NEIL3: variants seen among roughly 807,000 people sequenced by gnomAD.
NEIL3 encodes nei like DNA glycosylase 3, also known as endonuclease 8-like 3.
Under a neutral mutation model 57.5 loss-of-function variants are expected in NEIL3, and 48 were observed. The observed-to-expected ratio is 0.83, with a 90% CI of 0.66 to 1.06. The LOEUF (loss-of-function observed/expected upper bound fraction) is 1.06. Among genes scored for constraint, NEIL3 ranks in the 50% least tolerant of loss-of-function variants. The pLI, the probability that NEIL3 is intolerant of heterozygous loss-of-function variation, is 0.00. For synonymous variants in NEIL3, 261 were observed against 253.2 expected (o/e 1.03, Z -0.29); for missense variants, 717 against 739.1 (o/e 0.97, Z 0.35).
chr4:177,349,592 AC>A (rs1735309614), intron 6 of NEIL3, among the ~76,000 whole-genome samples: 1 of 151,992 alleles, frequency 6.6e-6, no homozygotes, highest in Non-Finnish European at 1.5e-5. Flanking sequence ...ACATCTGCAA[AC>A]CCTCCTTCTT....
rs1735027974 is a variant in NEIL3 at position 177,338,805 on chromosome 4, C to T, written c.628-978C>T. On this transcript the variant is annotated intron_variant, in intron 4 of 9. Coordinates refer to ENST00000264596, the MANE Select transcript of NEIL3 (RefSeq NM_018248.3). Reference sequence around the variant, plus strand: ...CGATAGTGACCTTGGTGGTCATCTACTCCTGTGCCTATTTTCCCTTCCCTT... The same window carrying T: ...CGATAGTGACCTTGGTGGTCATCTATTCCTGTGCCTATTTTCCCTTCCCTT... Among the ~76,000 whole-genome samples the T allele has an allele frequency of 5.3e-5, 8 of 152,206 alleles. No individual in the cohort carries two copies. The South Asian group carries it at 1.5e-3, about 28-fold the overall frequency.
At chr4:177,345,414 T>C (rs952054193) in intron 6 of NEIL3, among the ~76,000 whole-genome samples, 4 of 152,154 alleles carry the variant, frequency 2.6e-5, no homozygotes, top group African/African-American at 7.2e-5. Context: ...GAAATGTGGC[T>C]GTAGTTGGTT....
At chr4:177,317,271 C>T (rs961849947) in intron 1 of NEIL3, among the ~76,000 whole-genome samples, 2 of 152,096 alleles carry the variant, frequency 1.3e-5, no homozygotes, top group African/African-American at 2.4e-5. Context: ...TAGGGTGAAA[C>T]ACCAGTAGAG....
chr4:177,362,794 T>A lies in NEIL3; in HGVS notation c.*323T>A. ...GTAACTGGGGAGAAGCAGTGTTTTT[T>A]TTTTAGGAAAGGATTATGCGACACA... On this transcript the variant is annotated 3_prime_UTR_variant, in exon 10 of 10. Transcript: ENST00000264596. 1 of 171,714 alleles carries A rather than the reference T, an allele frequency of 5.8e-6. No homozygotes were observed. The allele number at this position is 171,714 out of a possible 1,614,324, so 10.6% of individuals were successfully genotyped here.
Position 177,362,338 on chromosome 4 carries a change from T to A in NEIL3, c.1685T>A (p.Met562Lys), listed in dbSNP as rs144244076. The change falls in exon 10 of 10, where the codon ATG (methionine) becomes AAG (lysine). Residue 562 changes from methionine (M) to lysine (K), a missense_variant. Met to Lys is a moderately conservative substitution (Grantham distance 95). Coordinates refer to ENST00000264596, the MANE Select transcript of NEIL3 (RefSeq NM_018248.3). ...TGCAACCATGGCAAGCGTTCCACCATGAAAACAGTATTGAAGATTGGACCT... is the reference window on the plus strand; with the variant it reads ...TGCAACCATGGCAAGCGTTCCACCAAGAAAACAGTATTGAAGATTGGACCT... ...PFCNHGKRST[M>K]KTVLKIGPNN... 6.2e-7 allele frequency: 1 copy of A among 1,612,744 alleles called. No homozygotes were observed. Among genetic ancestry groups the A allele is most frequent in the South Asian group, 1.1e-5 (1 of 90,696 alleles).
chr4:177,319,115 G>A (rs964087148), intron 1 of NEIL3, among the ~76,000 whole-genome samples: 1 of 152,218 alleles, frequency 6.6e-6, no homozygotes, highest in Non-Finnish European at 1.5e-5. Flanking sequence ...TGTTAACTTG[G>A]TGATGTGAGC....
intron 6 of NEIL3, among the ~76,000 whole-genome samples, chr4:177,346,769 G>A (rs187834177): frequency 1.4e-4 from 22 of 152,238 alleles, no homozygotes; most frequent in Admixed American, 5.2e-4. Context: ...TTAAAAGGCT[G>A]AGAGGGAGGT....
chr4:177,331,300 TTCCTC>T (rs985832337), intron 2 of NEIL3, among the ~76,000 whole-genome samples: 2 of 152,056 alleles, frequency 1.3e-5, no homozygotes, highest in African/African-American at 4.8e-5. Context: ...CACTTATTCT[TTCCTC>T]TGCTCTGTGC....
At chr4:177,359,026 T>G (rs1252978323) in intron 8 of NEIL3, among the ~76,000 whole-genome samples, 1 of 152,234 alleles carries the variant, frequency 6.6e-6, no homozygotes, top group Non-Finnish European at 1.5e-5. Flanking sequence ...TGTCCAGATA[T>G]CTGGCTTCCC....
At chr4:177,333,452 G>C (rs1734918711) in intron 2 of NEIL3, among the ~76,000 whole-genome samples, 1 of 152,172 alleles carries the variant, frequency 6.6e-6, no homozygotes. Context: ...CCCAACTCAA[G>C]CAGGTTCAAT....
intron 1 of NEIL3, among the ~76,000 whole-genome samples, chr4:177,310,737 G>C (rs1734461325): frequency 6.6e-6 from 1 of 152,150 alleles, no homozygotes; most frequent in East Asian, 1.9e-4. Context: ...AGACGATGTG[G>C]TATTCATTTG....
chr4:177,311,765 G>A (rs998197614), intron 1 of NEIL3, among the ~76,000 whole-genome samples: 3 of 151,340 alleles, frequency 2.0e-5, no homozygotes, highest in African/African-American at 7.3e-5. Flanking sequence ...CTGAAAGAAA[G>A]CCAGAGTAGA....
At chr4:177,338,181 T>G (rs1484569502) in intron 4 of NEIL3, among the ~76,000 whole-genome samples, 1 of 152,238 alleles carries the variant, frequency 6.6e-6, no homozygotes, top group Non-Finnish European at 1.5e-5. Context: ...TGGATGTATG[T>G]AAGTTTTAAA....
chr4:177,349,301 A>G (rs1231397952), intron 6 of NEIL3, among the ~76,000 whole-genome samples: 1 of 152,126 alleles, frequency 6.6e-6, no homozygotes, highest in African/African-American at 2.4e-5. Flanking sequence ...CTAAAAGCTC[A>G]ACATCAGTTT....
intron 2 of NEIL3, 81 bp from the exon 3 acceptor site, chr4:177,335,607 A>G (rs1003068037): frequency 4.3e-6 from 5 of 1,152,222 alleles, no homozygotes; most frequent in Admixed American, 2.8e-5. Context: ...TTATAATCCA[A>G]AAAAAAAATG....
chr4:177,336,466 C>T (rs1036823829), intron 4 of NEIL3, 145 bp downstream of exon 4: 1 of 662,646 alleles, frequency 1.5e-6, no homozygotes, highest in Non-Finnish European at 2.6e-6. Flanking sequence ...AGGTCAATTT[C>T]TCAGTGCAGC....
intron 1 of NEIL3, among the ~76,000 whole-genome samples, chr4:177,314,736 A>G (rs562798115): frequency 1.3e-5 from 2 of 152,260 alleles, no homozygotes; most frequent in South Asian, 2.1e-4. Flanking sequence ...CTTTAAAATT[A>G]TATTCTTTGA....
chr4:177,350,277 T>A (rs1735323137), intron 6 of NEIL3, among the ~76,000 whole-genome samples: 2 of 152,206 alleles, frequency 1.3e-5, no homozygotes, highest in Non-Finnish European at 1.5e-5. Context: ...TTTGGGATCA[T>A]GAAGGGAATC....
intron 6 of NEIL3, among the ~76,000 whole-genome samples, chr4:177,350,981 G>A (rs992317803): frequency 7.9e-5 from 12 of 151,732 alleles, no homozygotes; most frequent in Non-Finnish European, 1.8e-4. Flanking sequence ...GCTGAGGCAG[G>A]AAGATTACTT....
Sources: gnomAD v4.1 joint callset for allele counts (sites outside exome capture counted in the v4.1 genomes callset) on GRCh38, gnomAD v4.1.1 for gene constraint, MANE v1.5 for transcripts, NCBI Gene and HGNC (gene_info 2026-07-23, HGNC 2026-07-21) for gene names.